The following KLC2 variants were observed in gnomAD, a reference collection of about 807,000 sequenced individuals.
The protein encoded by KLC2 is KLC 2.
KLC2 carries 35 observed loss-of-function variants against 75.1 expected under a neutral mutation model. The observed-to-expected ratio is 0.47, with a 90% CI of 0.36 to 0.62. KLC2 has a LOEUF of 0.62. KLC2 is among the 20% of genes least tolerant of loss of function. KLC2 has a pLI of 0.00. For missense variants in KLC2, 611 were observed against 833.2 expected, an observed-to-expected ratio of 0.73 and a Z score of 3.28; for synonymous variants, 314 against 336.7, an observed-to-expected ratio of 0.93 and a Z score of 0.74.
rs563934198 is a variant in KLC2 at position 66,259,166 on chromosome 11, G to T, written c.228+344G>T. On this transcript the variant is annotated intron_variant, in intron 2 of 15. Transcript: ENST00000394067. The stretch of plus-strand genomic sequence containing the variant: ...TTCACTCGTTAACAGATGAGTTATT[G>T]AGGGCCAGCCAGGGTGTTAGGTGGA... 3.0e-4 allele frequency among the ~76,000 whole-genome samples: 46 copies of T among 152,304 alleles called. No individual in the cohort carries two copies. In the Middle Eastern group the frequency reaches 0.01, roughly 34 times the overall value.
intron 1 of KLC2, 159 bp downstream of exon 1, chr11:66,258,030 G>A (rs1856125838): frequency 6.5e-6 from 1 of 153,230 alleles, no homozygotes; most frequent in South Asian, 2.0e-4. Context: ...CCGGGGCGGG[G>A]GCGCGGCCTT....
chr11:66,247,064 G>C, the KLC2 span, among the ~76,000 whole-genome samples: 4 of 152,230 alleles, frequency 2.6e-5, no homozygotes, highest in African/African-American at 7.2e-5. Context: ...TTCCCTCCTA[G>C]TAAATGCAAA....
chr11:66,254,259 G>T (rs995226367), upstream of KLC2, among the ~76,000 whole-genome samples: 1 of 152,096 alleles, frequency 6.6e-6, no homozygotes, highest in South Asian at 2.1e-4. Flanking sequence ...ATTGAGCCCG[G>T]TGCAGCCGCC....
chr11:66,258,698 A>G lies in KLC2; in HGVS notation c.104A>G (p.His35Arg). ...GGACTGGAGACTCTGCGTGGGGAGC[A>G]TCGTGCCCTGCTGGCTCCTCTGGTT... Reference protein sequence around the residue: ...IQGLETLRGEHRALLAPLVAP... With the variant: ...IQGLETLRGERRALLAPLVAP... The change falls in exon 2 of 16, where the codon CAT (histidine) becomes CGT (arginine). Residue 35 changes from histidine (H) to arginine (R), a missense_variant. Coordinates refer to ENST00000394067, the MANE Select transcript of KLC2 (RefSeq NM_001318734.2). 6.2e-7 allele frequency: 1 copy of G among 1,613,892 alleles called. No individual in the cohort carries two copies. The highest frequency in any genetic ancestry group is 8.5e-7 in the Non-Finnish European group (1 of 1,179,976).
At chr11:66,251,531 G>A in the KLC2 span, among the ~76,000 whole-genome samples, 5 of 134,574 alleles carry the variant, frequency 3.7e-5, no homozygotes. Flanking sequence ...TCAGCACCTT[G>A]GGAGGCCGAG....
At chr11:66,247,742 G>A in the KLC2 span, among the ~76,000 whole-genome samples, 3 of 151,786 alleles carry the variant, frequency 2.0e-5, no homozygotes, top group Non-Finnish European at 4.4e-5. Context: ...TTGTATCCTT[G>A]GCACCCAAAA....
At chr11:66,258,919 C>T (rs1324973955) in intron 2 of KLC2, 97 bp downstream of exon 2, 4 of 831,848 alleles carry the variant, frequency 4.8e-6, no homozygotes, top group Admixed American at 2.7e-5. Flanking sequence ...AGCAGGGAAC[C>T]GTCTGTTTCC....
chr11:66,261,955 G>A lies in KLC2; in HGVS notation c.442G>A (p.Glu148Lys), dbSNP rs1047438553. 3.7e-6 allele frequency: 6 copies of A among 1,613,980 alleles called. No individual in the cohort carries two copies. The highest frequency in any genetic ancestry group is 5.1e-6 in the Non-Finnish European group (6 of 1,179,938). The change falls in exon 3 of 16, where the codon GAA becomes AAA. Residue 148 changes from glutamate (E) to lysine (K), a missense_variant. Coordinates refer to ENST00000394067, the MANE Select transcript of KLC2 (RefSeq NM_001318734.2). ...CATGAGCCAGATCCGCAAGTTGGAT[G>A]AAGACGCCTCCCCTAACGTGAGCTC... The part of the protein sequence containing the change: ...LFMSQIRKLD[E>K]DASPNEEKGD...
chr11:66,258,725 C>T lies in KLC2; in HGVS notation c.131C>T (p.Ala44Val). 1 of 1,613,512 alleles carries T rather than the reference C, an allele frequency of 6.2e-7. No homozygotes were observed. The highest frequency in any genetic ancestry group is 8.5e-7 in the Non-Finnish European group (1 of 1,179,948). Residue 44 changes from alanine to valine, a missense_variant, in exon 2 of 16, where the codon GCA becomes GTA. Ala to Val is a moderately conservative substitution (Grantham distance 64). Transcript: ENST00000394067. Reference sequence around the variant, plus strand: ...CGTGCCCTGCTGGCTCCTCTGGTTGCACCTGAGGCCGGCGAAGCCGAGCCT... The same window carrying T: ...CGTGCCCTGCTGGCTCCTCTGGTTGTACCTGAGGCCGGCGAAGCCGAGCCT... ...EHRALLAPLVAPEAGEAEPGS... is the reference protein window; with the variant it reads ...EHRALLAPLVVPEAGEAEPGS...
At chr11:66,262,644 C>G (rs1565171407) in intron 4 of KLC2, 170 bp from the exon 5 acceptor site, 4 of 605,832 alleles carry the variant, frequency 6.6e-6, no homozygotes, top group Non-Finnish European at 1.2e-5. Context: ...GCCTCTACCC[C>G]CTCTTTCTAT....
upstream of KLC2, among the ~76,000 whole-genome samples, chr11:66,257,131 T>C (rs1459089254): frequency 6.6e-6 from 1 of 152,186 alleles, no homozygotes; most frequent in Non-Finnish European, 1.5e-5. Context: ...TCGGGGTCTA[T>C]CAGAGGAAAT....
chr11:66,256,595 A>C (rs1466549266), upstream of KLC2, among the ~76,000 whole-genome samples: 1 of 152,192 alleles, frequency 6.6e-6, no homozygotes, highest in African/African-American at 2.4e-5. Flanking sequence ...AAAGAAAAAA[A>C]GGAGTTTAAG....
chr11:66,252,351 T>C (rs537851222), upstream of KLC2, among the ~76,000 whole-genome samples: 1 of 152,300 alleles, frequency 6.6e-6, no homozygotes, highest in East Asian at 1.9e-4. Flanking sequence ...AGTGGCGCGA[T>C]CTCGGCTCAC....
intron 11 of KLC2, 144 bp from the exon 12 acceptor site, chr11:66,265,511 G>A (rs975068439): frequency 1.3e-5 from 10 of 741,424 alleles, no homozygotes; most frequent in Non-Finnish European, 2.0e-5. Context: ...AGGCTGGGTG[G>A]GCCCAGCACA....
the KLC2 span, among the ~76,000 whole-genome samples, chr11:66,249,465 T>C: frequency 6.6e-6 from 1 of 152,170 alleles, no homozygotes; most frequent in South Asian, 2.1e-4. Context: ...CGCCACCCCT[T>C]TCACCTGCCG....
rs952207373 is a variant in KLC2 at position 66,261,752 on chromosome 11, C to T, written c.239C>T (p.Ala80Val). The change falls in exon 3 of 16, where the codon GCA becomes GTA. Residue 80 changes from alanine (A) to valine (V), a missense_variant. By Grantham distance (64) the Ala-to-Val change is moderately conservative. Transcript: ENST00000394067. ...GGGCTGGTTGCACAGGTGATCTTGGCATTGTCGAGCCACCTGGGGGCTGTA... is the reference window on the plus strand; with the variant it reads ...GGGCTGGTTGCACAGGTGATCTTGGTATTGTCGAGCCACCTGGGGGCTGTA... ...LGLGEAQVIL[A>V]LSSHLGAVES... is the part of the protein sequence containing the mutation. The T allele has an allele frequency of 1.9e-6, 3 of 1,610,530 alleles. No individual in the cohort carries two copies. The highest frequency in any genetic ancestry group is 2.5e-6 in the Non-Finnish European group (3 of 1,178,588).
chr11:66,255,059 C>A (rs1026523991), upstream of KLC2, among the ~76,000 whole-genome samples: 1 of 152,330 alleles, frequency 6.6e-6, no homozygotes, highest in East Asian at 1.9e-4. Context: ...AACAAAAGTG[C>A]CTTGTGCTCC....
rs1055207069 is a variant in KLC2, at chr11:66,261,927, G to A, written c.414G>A (p.Leu138=). 2.5e-6 allele frequency: 4 copies of A among 1,614,084 alleles called. No homozygotes were observed. The African/African-American group carries it at 5.3e-5, about 22-fold the overall frequency. Reference sequence around the variant, plus strand: ...TCGAGGAGGAGAAGCAGCACTTGCTGTTCATGAGCCAGATCCGCAAGTTGG... The same window carrying A: ...TCGAGGAGGAGAAGCAGCACTTGCTATTCATGAGCCAGATCCGCAAGTTGG... ...AQLEEEKQHL[L]FMSQIRKLDE... Residue 138 remains leucine (L), a synonymous_variant, in exon 3 of 16, where the codon CTG becomes CTA. Coordinates refer to ENST00000394067, the MANE Select transcript of KLC2 (RefSeq NM_001318734.2).
Position 66,266,930 on chromosome 11 carries a change from T to G in KLC2, c.1843T>G (p.Ser615Ala). 5 of 1,613,304 alleles carry G rather than the reference T, an allele frequency of 3.1e-6. No homozygotes were observed. The highest frequency in any genetic ancestry group is 4.2e-6 in the Non-Finnish European group (5 of 1,179,978). The change falls in exon 16 of 16, where the codon TCC (serine) becomes GCC (alanine). Residue 615 changes from serine to alanine, a missense_variant. Transcript: ENST00000394067. ...TCTCAGCTCCAGCTCCATGGACCTCTCCCGACGAAGCTCCCTGGTGGGCTA... is the reference window on the plus strand; with the variant it reads ...TCTCAGCTCCAGCTCCATGGACCTCGCCCGACGAAGCTCCCTGGTGGGCTA... Reference protein sequence around the residue: ...RTLSSSSMDLSRRSSLVG With the variant: ...RTLSSSSMDLARRSSLVG
Sources: allele counts gnomAD v4.1 joint callset (sites outside exome capture counted in the v4.1 genomes callset), GRCh38; gene constraint gnomAD v4.1.1; transcripts MANE v1.5; gene names NCBI Gene and HGNC (gene_info 2026-07-23, HGNC 2026-07-21).